MARCHF1: variants seen among roughly 807,000 people sequenced by gnomAD.
MARCHF1 encodes the protein E3 ubiquitin-protein ligase MARCHF1.
Under a neutral mutation model 54.2 loss-of-function variants are expected in MARCHF1, and 40 were observed. The observed-to-expected ratio is 0.74, with a 90% confidence interval of 0.57 to 0.96. MARCHF1 has a LOEUF of 0.96. Among genes scored for constraint, MARCHF1 ranks in the 40% least tolerant of loss-of-function variants. The pLI is 0.00. For missense variants in MARCHF1, 586 were observed against 656.5 expected, an observed-to-expected ratio of 0.89 and a Z score of 1.17; for synonymous variants, 236 against 236.3, an observed-to-expected ratio of 1.00 and a Z score of 0.01.
chr4:163,986,497 C>A (rs1272262600), intron 3 of MARCHF1, among the ~76,000 whole-genome samples: 1 of 151,746 alleles, frequency 6.6e-6, no homozygotes. Flanking sequence ...GATCTCCTGA[C>A]CTTGTGATCC....
intron 8 of MARCHF1, among the ~76,000 whole-genome samples, chr4:163,558,303 T>A (rs1412332821): frequency 2.6e-5 from 4 of 152,150 alleles, no homozygotes; most frequent in Non-Finnish European, 4.4e-5. Context: ...TCAAAAGGAA[T>A]CTCTTTATGA....
chr4:164,190,452 G>A (rs1362025918), intron 1 of MARCHF1: 2 of 385,298 alleles, frequency 5.2e-6, no homozygotes, highest in Non-Finnish European at 9.3e-6. Context: ...TCAGAGTGGA[G>A]TTGAAAATGC....
intron 1 of MARCHF1, among the ~76,000 whole-genome samples, chr4:164,176,201 C>A (rs1309479778): frequency 6.6e-6 from 1 of 152,136 alleles, no homozygotes; most frequent in Non-Finnish European, 1.5e-5. Flanking sequence ...CTAAGGCAAG[C>A]CTGACTAAAT....
intron 4 of MARCHF1, among the ~76,000 whole-genome samples, chr4:163,721,554 AG>A (rs1049533157): frequency 1.3e-5 from 2 of 152,120 alleles, no homozygotes; most frequent in African/African-American, 4.8e-5. Flanking sequence ...AAAATGAGTT[AG>A]GGAGGATTCC....
chr4:163,911,135 C>T (rs893217203), intron 3 of MARCHF1, among the ~76,000 whole-genome samples: 1 of 152,056 alleles, frequency 6.6e-6, no homozygotes, highest in African/African-American at 2.4e-5. Flanking sequence ...ATGTGTATTG[C>T]ATGATGCTGT....
chr4:163,726,051 T>C (rs757190859), intron 4 of MARCHF1, among the ~76,000 whole-genome samples: 35 of 152,124 alleles, frequency 2.3e-4, no homozygotes, highest in Non-Finnish European at 3.7e-4. Context: ...ATATCCCCCA[T>C]CCCTACATAT....
intron 4 of MARCHF1, among the ~76,000 whole-genome samples, chr4:163,771,031 T>G (rs2110868080): frequency 6.6e-6 from 1 of 152,352 alleles, no homozygotes; most frequent in East Asian, 1.9e-4. Flanking sequence ...CATAGCTATT[T>G]TATGGATTTA....
intron 2 of MARCHF1, among the ~76,000 whole-genome samples, chr4:164,013,439 T>C (rs1241757523): frequency 6.6e-6 from 1 of 152,164 alleles, no homozygotes; most frequent in Non-Finnish European, 1.5e-5. Flanking sequence ...ATAGGCGTTA[T>C]TGGCCTTAAG....
chr4:163,613,678 A>T (rs1294111884), intron 5 of MARCHF1: 2 of 1,285,388 alleles, frequency 1.6e-6, no homozygotes, highest in Non-Finnish European at 2.0e-6. Context: ...TAATCATTTG[A>T]GTGGAATAGC....
At position 163,643,221 on chromosome 4, in the gene MARCHF1, G is replaced by A. The variant is rs200614344; in HGVS notation, c.163-29828C>T. Among the ~76,000 whole-genome samples the A allele has an allele frequency of 2.4e-4, 37 of 151,598 alleles. No homozygotes were observed. The East Asian group carries it at 3.1e-3, about 13-fold the overall frequency. On this transcript the variant is annotated intron_variant, in intron 5 of 9. Transcript: ENST00000514618. ...TGCACGTCTGTAATCCCAGCTACTCGGGAGGCTGAGGCAGGAGAATTGCTT... is the reference window on the plus strand; with the variant it reads ...TGCACGTCTGTAATCCCAGCTACTCAGGAGGCTGAGGCAGGAGAATTGCTT...
intron 2 of MARCHF1, among the ~76,000 whole-genome samples, chr4:164,074,905 T>G (rs901091103): frequency 2.7e-5 from 4 of 150,836 alleles, no homozygotes; most frequent in African/African-American, 9.7e-5. Context: ...ATATTTCTTA[T>G]AAAATAATTT....
chr4:164,124,563 G>T (rs930681615), intron 1 of MARCHF1, among the ~76,000 whole-genome samples: 6 of 152,068 alleles, frequency 3.9e-5, no homozygotes, highest in African/African-American at 1.4e-4. Flanking sequence ...AAGAAAATGT[G>T]TTACATATAC....
chr4:164,130,651 G>A (rs763979039), intron 1 of MARCHF1, among the ~76,000 whole-genome samples: 1 of 152,074 alleles, frequency 6.6e-6, no homozygotes, highest in Non-Finnish European at 1.5e-5. Context: ...CACCCTGGGA[G>A]GTTTCACTCA....
chr4:163,613,296 A>C lies in MARCHF1; in HGVS notation c.242+18T>G. 6.3e-7 allele frequency: 1 copy of C among 1,590,452 alleles called. No homozygotes were observed. The highest frequency in any genetic ancestry group is 8.5e-7 in the Non-Finnish European group (1 of 1,171,286). On this transcript the variant is annotated intron_variant, in intron 6 of 9. Transcript: ENST00000514618. ...TGATCCAAAGAATATAGATTAAGAT[A>C]ATTTGTTCAGCACTTACCTGCAGAT...
At chr4:163,572,192 TCC>T in intron 8 of MARCHF1, among the ~76,000 whole-genome samples, 1 of 152,216 alleles carries the variant, frequency 6.6e-6, no homozygotes, top group African/African-American at 2.4e-5. Flanking sequence ...GGTCTTGGAC[TCC>T]CCTTCTTATT....
chr4:163,917,000 C>T (rs1282786665), intron 3 of MARCHF1, among the ~76,000 whole-genome samples: 1 of 152,126 alleles, frequency 6.6e-6, no homozygotes, highest in African/African-American at 2.4e-5. Flanking sequence ...TATTCTCCTC[C>T]TATTCATCTC....
chr4:163,853,863 TACTA>T (rs1231229555), intron 4 of MARCHF1, among the ~76,000 whole-genome samples, 154 bp downstream of exon 4: 2 of 152,246 alleles, frequency 1.3e-5, no homozygotes, highest in African/African-American at 4.8e-5. Flanking sequence ...TTTATTAGTT[TACTA>T]ACTAACCAAA....
intron 4 of MARCHF1, among the ~76,000 whole-genome samples, chr4:163,794,019 G>C (rs1747843633): frequency 6.6e-6 from 1 of 152,182 alleles, no homozygotes; most frequent in African/African-American, 2.4e-5. Context: ...ATCAAGTTCA[G>C]TATTATATTT....
intron 1 of MARCHF1, among the ~76,000 whole-genome samples, chr4:164,311,603 T>C (rs1225077888): frequency 1.3e-5 from 2 of 152,106 alleles, no homozygotes; most frequent in African/African-American, 4.8e-5. Context: ...AGAAAAAAAA[T>C]ATGGTTCTAA....
Sources: allele counts gnomAD v4.1 joint callset (sites outside exome capture counted in the v4.1 genomes callset), GRCh38; gene constraint gnomAD v4.1.1; transcripts MANE v1.5; gene names NCBI Gene and HGNC (gene_info 2026-07-23, HGNC 2026-07-21).